RALGAPA1: variants seen among roughly 807,000 people sequenced by gnomAD.
RALGAPA1 encodes ral GTPase-activating protein subunit alpha-1.
RALGAPA1 carries 52 observed loss-of-function variants against 269.6 expected under a neutral mutation model. The observed-to-expected ratio is 0.19, with a 90% CI of 0.15 to 0.24. RALGAPA1 has a LOEUF of 0.24. RALGAPA1 is among the 10% of genes least tolerant of loss of function. RALGAPA1 has a pLI of 1.00. For missense variants in RALGAPA1, 1,917 were observed against 3,013.9 expected (o/e 0.64, Z 8.52); for synonymous variants, 817 against 1,008.3 (o/e 0.81, Z 3.60).
intron 4 of RALGAPA1, among the ~76,000 whole-genome samples, chr14:35,769,115 A>G (rs1229253117): frequency 6.8e-6 from 1 of 147,724 alleles, no homozygotes; most frequent in Non-Finnish European, 1.5e-5. Flanking sequence ...GAAAATAGAA[A>G]GCAGAAAAAG....
At chr14:35,609,222 G>A (rs2059773245) in intron 35 of RALGAPA1, among the ~76,000 whole-genome samples, 2 of 148,418 alleles carry the variant, frequency 1.3e-5, no homozygotes, top group Admixed American at 6.7e-5. Flanking sequence ...GCGACACTCC[G>A]TCTCAAAAAA....
intron 39 of RALGAPA1, among the ~76,000 whole-genome samples, chr14:35,560,616 G>A (rs183638286): frequency 6.6e-6 from 1 of 152,166 alleles, no homozygotes; most frequent in East Asian, 1.9e-4. Context: ...AGTGCATTAA[G>A]TTCTTGGTAG....
intron 37 of RALGAPA1, among the ~76,000 whole-genome samples, chr14:35,579,246 T>C (rs978924929): frequency 1.3e-5 from 2 of 152,060 alleles, no homozygotes; most frequent in Non-Finnish European, 1.5e-5. Context: ...GGCCAGATTA[T>C]GGTAAATGAA....
chr14:35,551,565 G>A (rs1181992265), intron 39 of RALGAPA1, among the ~76,000 whole-genome samples: 1 of 151,974 alleles, frequency 6.6e-6, no homozygotes, highest in African/African-American at 2.4e-5. Flanking sequence ...CTTTCAGAGG[G>A]CCTATAAATG....
At chr14:35,553,546 C>A (rs1210756860) in intron 39 of RALGAPA1, among the ~76,000 whole-genome samples, 2 of 152,094 alleles carry the variant, frequency 1.3e-5, no homozygotes. Context: ...AAAGGGAAAG[C>A]TTTCAGTTTT....
intron 28 of RALGAPA1, among the ~76,000 whole-genome samples, chr14:35,658,418 A>T (rs2063336696): frequency 6.6e-6 from 1 of 152,086 alleles, no homozygotes; most frequent in Non-Finnish European, 1.5e-5. Context: ...GATGATTGGA[A>T]AACAGGAGCT....
At chr14:35,783,848 A>C (rs1160418275) in intron 1 of RALGAPA1, among the ~76,000 whole-genome samples, 1 of 152,204 alleles carries the variant, frequency 6.6e-6, no homozygotes. Context: ...AATGCAAAGC[A>C]AAACCACAAT....
Position 35,557,136 on chromosome 14 carries a change from GTATA to G in RALGAPA1, c.7497-7906_7497-7903del, listed in dbSNP as rs1555355540. Among the ~76,000 whole-genome samples the G allele has an allele frequency of 5.0e-3, 737 of 148,208 alleles. 2 individuals are homozygous for G. Among genetic ancestry groups the G allele is most frequent in the African/African-American group, 0.018 (703 of 40,104 alleles). On this transcript the variant is annotated intron_variant, in intron 39 of 41. Transcript: ENST00000680220. ...TGTGTGTGTGTGTGTGTGTGTGTGT[GTATA>G]TATATTCTATTTTCATGAAAGTTGT... is the stretch of plus-strand genomic sequence containing the variant.
intron 35 of RALGAPA1, among the ~76,000 whole-genome samples, chr14:35,612,045 A>G (rs2059966432): frequency 6.6e-6 from 1 of 152,148 alleles, no homozygotes; most frequent in African/African-American, 2.4e-5. Context: ...TTTTCAACAA[A>G]TGGTACTGGG....
intron 1 of RALGAPA1, among the ~76,000 whole-genome samples, chr14:35,801,282 C>CACAT (rs1325767780): frequency 1.7e-4 from 25 of 143,204 alleles, no homozygotes; most frequent in African/African-American, 6.8e-4. Flanking sequence ...CACACACACA[C>CACAT]ATTTGAGATA....
chr14:35,551,386 T>A (rs1296316658), intron 39 of RALGAPA1, among the ~76,000 whole-genome samples: 2 of 152,128 alleles, frequency 1.3e-5, no homozygotes, highest in African/African-American at 4.8e-5. Flanking sequence ...AGTCTTCCAA[T>A]TGATCACTCT....
At chr14:35,594,086 G>T (rs985637842) in intron 37 of RALGAPA1, among the ~76,000 whole-genome samples, 4 of 152,002 alleles carry the variant, frequency 2.6e-5, no homozygotes, top group Admixed American at 6.6e-5. Flanking sequence ...ACACGGAAAA[G>T]AATAAAACTG....
chr14:35,585,952 C>A (rs371881344), intron 37 of RALGAPA1, among the ~76,000 whole-genome samples: 1 of 152,080 alleles, frequency 6.6e-6, no homozygotes, highest in East Asian at 1.9e-4. Flanking sequence ...TTTGGTTCCA[C>A]GTGAACTTTA....
chr14:35,677,200 A>G (rs2065025314), intron 22 of RALGAPA1: 2 of 152,252 alleles, frequency 1.3e-5, no homozygotes, highest in African/African-American at 4.8e-5. Flanking sequence ...CGGGTTTCTT[A>G]AAAGAAGTTT....
chr14:35,571,918 G>T (rs1470104828), intron 38 of RALGAPA1, among the ~76,000 whole-genome samples: 2 of 152,108 alleles, frequency 1.3e-5, no homozygotes, highest in African/African-American at 4.8e-5. Context: ...AAGGAATTCT[G>T]AAGATTCTTA....
At position 35,716,719 on chromosome 14, in the gene RALGAPA1, A is replaced by T. The variant is rs115794189; in HGVS notation, c.2266+4969T>A. ...GTCTCTTGAGCCTAAAACAGACCCC[A>T]CCTCAACTTTTTAAAAATGATACTG... On this transcript the variant is annotated intron_variant, in intron 16 of 41. Transcript: ENST00000680220. 1.6e-3 allele frequency among the ~76,000 whole-genome samples: 244 copies of T among 152,180 alleles called. 1 individual carries two copies. Among genetic ancestry groups the T allele is most frequent in the African/African-American group, 5.7e-3 (235 of 41,528 alleles).
At chr14:35,738,056 C>A (rs1418678784) in intron 12 of RALGAPA1, among the ~76,000 whole-genome samples, 1 of 151,260 alleles carries the variant, frequency 6.6e-6, no homozygotes, top group African/African-American at 2.4e-5. Flanking sequence ...CCATTGCACT[C>A]CAGCCTGGGC....
At chr14:35,598,252 A>C (rs2059042977) in intron 36 of RALGAPA1, among the ~76,000 whole-genome samples, 1 of 152,092 alleles carries the variant, frequency 6.6e-6, no homozygotes, top group Non-Finnish European at 1.5e-5. Flanking sequence ...TGATCCTTCT[A>C]TAATTATATA....
chr14:35,619,860 CCTACAAACCAAAAACAGTCCAGGA>C (rs1362478074), intron 35 of RALGAPA1, among the ~76,000 whole-genome samples: 20 of 152,078 alleles, frequency 1.3e-4, no homozygotes, highest in Non-Finnish European at 2.5e-4. Context: ...TAATTAATAG[CCTACAAACCAAAAACAGTCCAGGA>C]CTACAAACCA....
Sources: gnomAD v4.1 joint callset for allele counts (sites outside exome capture counted in the v4.1 genomes callset) on GRCh38, gnomAD v4.1.1 for gene constraint, MANE v1.5 for transcripts, NCBI Gene and HGNC (gene_info 2026-07-23, HGNC 2026-07-21) for gene names.